The following SLCO1B1 variants were observed in gnomAD, a reference collection of about 807,000 sequenced individuals.
The protein encoded by SLCO1B1 is solute carrier organic anion transporter family member 1B1.
A neutral mutation model predicts 70.1 loss-of-function variants in SLCO1B1; 81 were observed. The ratio of observed to expected loss-of-function variants is 1.16; its 90% CI spans 0.97 to 1.39. The LOEUF is 1.39. Among genes scored for constraint, SLCO1B1 ranks in the 40% most tolerant of loss-of-function variants. SLCO1B1 has a pLI of 0.00. For missense variants in SLCO1B1, 895 were observed against 799.6 expected (o/e 1.12, Z -1.44); for synonymous variants, 283 against 271.5 (o/e 1.04, Z -0.42).
In SLCO1B1 at chr12:21,146,049, T is replaced by C. The variant is rs1016355628; in HGVS notation, c.84+4391T>C. On this transcript the variant is annotated intron_variant, in intron 2 of 14. Transcript: ENST00000256958. ...TATAAATTAATTCTTAGGTATTTGG[T>C]AGAATTCAACAGTGAAACCATGTAG... Among the ~76,000 whole-genome samples the C allele has an allele frequency of 5.9e-5, 9 of 152,284 alleles. No individual in the cohort carries two copies. In the East Asian group the frequency reaches 1.5e-3, roughly 26 times the overall value.
chr12:21,196,853 G>A, intron 7 of SLCO1B1, 93 bp from the exon 8 acceptor site: 2 of 1,294,698 alleles, frequency 1.5e-6, no homozygotes, highest in Non-Finnish European at 2.2e-6. Flanking sequence ...TGGAATTGAG[G>A]AAATGTAGTT....
chr12:21,200,970 G>A (rs1941150605), intron 9 of SLCO1B1, among the ~76,000 whole-genome samples: 1 of 151,980 alleles, frequency 6.6e-6, no homozygotes, highest in South Asian at 2.1e-4. Context: ...TAAGATCTGA[G>A]ACAAACCCTT....
At chr12:21,235,542 A>G (rs1303005830) in intron 14 of SLCO1B1, among the ~76,000 whole-genome samples, 1 of 150,498 alleles carries the variant, frequency 6.6e-6, no homozygotes, top group Non-Finnish European at 1.5e-5. Context: ...GGCAATTTAC[A>G]TTCAAAGTTA....
intron 2 of SLCO1B1, among the ~76,000 whole-genome samples, chr12:21,142,797 C>T (rs1940329808): frequency 6.6e-6 from 1 of 152,030 alleles, no homozygotes; most frequent in Non-Finnish European, 1.5e-5. Flanking sequence ...AGTAATTTCA[C>T]TGACATGTGC....
chr12:21,163,798 T>C (rs964037114), intron 2 of SLCO1B1, among the ~76,000 whole-genome samples: 3 of 152,072 alleles, frequency 2.0e-5, no homozygotes, highest in African/African-American at 7.2e-5. Flanking sequence ...TACCATCACA[T>C]TGGGTTAGGA....
rs1373087622 is a variant in SLCO1B1 at position 21,211,918 on chromosome 12, CG to C, written c.1498-5200del. On this transcript the variant is annotated intron_variant, in intron 11 of 14. Coordinates refer to ENST00000256958, the MANE Select transcript of SLCO1B1 (RefSeq NM_006446.5). ...GGATCGGTGGTGATATCCCCTTTAT[CG>C]TTTTTTATTGTGTCTATTAGATTCT... is the stretch of plus-strand genomic sequence containing the variant. Among the ~76,000 whole-genome samples the C allele has an allele frequency of 2.0e-5, 3 of 150,082 alleles. No individual in the cohort carries two copies. The East Asian group carries it at 5.9e-4, about 30-fold the overall frequency.
At chr12:21,198,333 C>T (rs12301796) in intron 8 of SLCO1B1, among the ~76,000 whole-genome samples, 1,537 of 152,098 alleles carry the variant, frequency 0.01, 35 homozygotes, top group South Asian at 0.039. Flanking sequence ...AGTTTGTTTT[C>T]CTAAGAATCA....
chr12:21,211,118 AG>A (rs2121166417), intron 11 of SLCO1B1, among the ~76,000 whole-genome samples: 1 of 152,274 alleles, frequency 6.6e-6, no homozygotes, highest in African/African-American at 2.4e-5. Flanking sequence ...GTGGTGAGAG[AG>A]GGCATCCCTG....
At chr12:21,151,328 G>A (rs1218152407) in intron 2 of SLCO1B1, among the ~76,000 whole-genome samples, 2 of 152,246 alleles carry the variant, frequency 1.3e-5, no homozygotes, top group Admixed American at 6.5e-5. Context: ...CGGTTGGGTT[G>A]CCTGGGTGTT....
At chr12:21,177,140 G>A (rs568283161) in intron 5 of SLCO1B1, among the ~76,000 whole-genome samples, 25 of 152,140 alleles carry the variant, frequency 1.6e-4, no homozygotes, top group South Asian at 1.2e-3. Flanking sequence ...TAAACCTGCC[G>A]GTAAGAATAT....
At chr12:21,155,125 A>C (rs1233758908) in intron 2 of SLCO1B1, among the ~76,000 whole-genome samples, 1 of 151,304 alleles carries the variant, frequency 6.6e-6, no homozygotes. Context: ...AATCTTAGTA[A>C]ATTATTTGAA....
chr12:21,175,123 T>C (rs1451353784), intron 4 of SLCO1B1, among the ~76,000 whole-genome samples: 1 of 152,180 alleles, frequency 6.6e-6, no homozygotes, highest in East Asian at 1.9e-4. Context: ...TACAGTCAGA[T>C]GCTCCTGAGA....
intron 7 of SLCO1B1, among the ~76,000 whole-genome samples, chr12:21,180,156 A>C (rs1047240923): frequency 1.3e-5 from 2 of 152,122 alleles, no homozygotes; most frequent in Non-Finnish European, 2.9e-5. Flanking sequence ...ATATGTCAAA[A>C]TCTGATCTCA....
At chr12:21,192,966 A>G (rs1312807030) in intron 7 of SLCO1B1, among the ~76,000 whole-genome samples, 2 of 151,940 alleles carry the variant, frequency 1.3e-5, no homozygotes, top group Non-Finnish European at 2.9e-5. Context: ...TGACAATTTA[A>G]TTATTGAAAA....
chr12:21,216,412 A>G (rs1419494192), intron 11 of SLCO1B1, among the ~76,000 whole-genome samples: 1 of 152,166 alleles, frequency 6.6e-6, no homozygotes, highest in Non-Finnish European at 1.5e-5. Context: ...ACTTTAGCCT[A>G]GATTTAGAAC....
chr12:21,178,548 A>G (rs369060636), intron 5 of SLCO1B1, 28 bp from the exon 6 acceptor site: 6 of 1,529,862 alleles, frequency 3.9e-6, no homozygotes, highest in African/African-American at 2.7e-5. Context: ...ATTAATGTTT[A>G]AAATGAAACA....
intron 2 of SLCO1B1, among the ~76,000 whole-genome samples, chr12:21,164,688 C>T (rs1400848125): frequency 6.6e-6 from 1 of 152,098 alleles, no homozygotes; most frequent in Non-Finnish European, 1.5e-5. Flanking sequence ...TGTTATTTCA[C>T]TTCTTAGGGG....
chr12:21,189,406 T>A (rs576135570), intron 7 of SLCO1B1, among the ~76,000 whole-genome samples: 2 of 152,196 alleles, frequency 1.3e-5, no homozygotes, highest in South Asian at 4.1e-4. Flanking sequence ...TGTGTCTTCT[T>A]TGGAGAAATT....
chr12:21,195,203 G>A (rs563002479), intron 7 of SLCO1B1, among the ~76,000 whole-genome samples: 62 of 152,274 alleles, frequency 4.1e-4, no homozygotes, highest in African/African-American at 1.1e-3. Flanking sequence ...CCAGCAGAGC[G>A]TCTGTGGGCC....
Sources: allele counts gnomAD v4.1 joint callset (sites outside exome capture counted in the v4.1 genomes callset), GRCh38; gene constraint gnomAD v4.1.1; transcripts MANE v1.5; gene names NCBI Gene and HGNC (gene_info 2026-07-23, HGNC 2026-07-21).